The following SMU1 variants were observed in gnomAD, a reference collection of about 807,000 sequenced individuals.
SMU1 encodes WD40 repeat-containing protein SMU1.
In SMU1, 2 loss-of-function variants were observed where a neutral mutation model predicts 62.0. That is an observed-to-expected ratio of 0.03 (90% CI 0.01 to 0.10). The LOEUF (loss-of-function observed/expected upper bound fraction) is 0.10, where lower values mean the gene tolerates loss of function less well. Among genes scored for constraint, SMU1 ranks in the 10% least tolerant of loss-of-function variants. The pLI, the probability that SMU1 is intolerant of heterozygous loss-of-function variation, is 1.00. For missense variants in SMU1, 227 were observed against 622.1 expected, an observed-to-expected ratio of 0.36 and a Z score of 6.76; for synonymous variants, 188 against 212.4, an observed-to-expected ratio of 0.89 and a Z score of 1.00.
chr9:33,067,740 C>A (rs777815580), intron 4 of SMU1, among the ~76,000 whole-genome samples: 197 of 152,020 alleles, frequency 1.3e-3, no homozygotes, highest in Non-Finnish European at 2.3e-3. Flanking sequence ...CTCAGGTGAT[C>A]CACCCACCTT....
At chr9:33,055,728 C>CA (rs985193729) in intron 9 of SMU1, among the ~76,000 whole-genome samples, 1 of 152,064 alleles carries the variant, frequency 6.6e-6, no homozygotes, top group Non-Finnish European at 1.5e-5. Flanking sequence ...GGCTGTGCAA[C>CA]AAAAAAGAGA....
chr9:33,073,890 T>C, intron 1 of SMU1, 84 bp from the exon 2 acceptor site: 2 of 1,236,092 alleles, frequency 1.6e-6, no homozygotes, highest in Non-Finnish European at 2.3e-6. Flanking sequence ...TACTCAATCA[T>C]CTTCCTTTCA....
intron 11 of SMU1, among the ~76,000 whole-genome samples, chr9:33,047,816 A>T (rs145254923): frequency 6.6e-6 from 1 of 152,124 alleles, no homozygotes; most frequent in Non-Finnish European, 1.5e-5. Flanking sequence ...CCGAGATCAC[A>T]CCACTGCACT....
At chr9:33,075,481 G>T (rs1294052783) in intron 1 of SMU1, among the ~76,000 whole-genome samples, 1 of 151,942 alleles carries the variant, frequency 6.6e-6, no homozygotes, top group African/African-American at 2.4e-5. Context: ...CTGTTATTCT[G>T]CTATGATACT....
At chr9:33,062,371 G>A (rs1173340892) in intron 4 of SMU1, among the ~76,000 whole-genome samples, 194 bp from the exon 5 acceptor site, 1 of 152,130 alleles carries the variant, frequency 6.6e-6, no homozygotes, top group Non-Finnish European at 1.5e-5. Context: ...GCTGATCTAA[G>A]GGTGAAGGGG....
intron 4 of SMU1, among the ~76,000 whole-genome samples, chr9:33,067,173 T>C (rs1224610513): frequency 6.6e-6 from 1 of 152,038 alleles, no homozygotes; most frequent in Non-Finnish European, 1.5e-5. Context: ...AAACATTGAA[T>C]ATAGATTGAA....
At chr9:33,074,831 T>G (rs971583896) in intron 1 of SMU1, among the ~76,000 whole-genome samples, 2 of 149,838 alleles carry the variant, frequency 1.3e-5, no homozygotes, top group Non-Finnish European at 3.0e-5. Context: ...GACAGAATAG[T>G]GGCGTGATTG....
intron 11 of SMU1, 66 bp from the exon 12 acceptor site, chr9:33,047,457 C>T: frequency 7.4e-7 from 1 of 1,344,960 alleles, no homozygotes; most frequent in Admixed American, 2.0e-5. Context: ...ATGAGGCTTC[C>T]AGAGGTGGGT....
At chr9:33,060,769 T>A (rs1839353670) in intron 5 of SMU1, among the ~76,000 whole-genome samples, 185 bp from the exon 6 acceptor site, 1 of 152,240 alleles carries the variant, frequency 6.6e-6, no homozygotes, top group African/African-American at 2.4e-5. Flanking sequence ...TTCTCTGACT[T>A]AGTTTTAAGT....
intron 2 of SMU1, among the ~76,000 whole-genome samples, chr9:33,072,416 T>C (rs1219731625): frequency 2.0e-5 from 3 of 152,190 alleles, no homozygotes; most frequent in Admixed American, 6.5e-5. Context: ...CTCTCAGGCT[T>C]CTTGCTCAGA....
intron 5 of SMU1, 47 bp downstream of exon 5, chr9:33,062,002 G>C: frequency 6.3e-7 from 1 of 1,599,902 alleles, no homozygotes; most frequent in Non-Finnish European, 8.5e-7. Flanking sequence ...CCCATGACAA[G>C]TCCTCAACAA....
chr9:33,069,006 A>G (rs1216411746), intron 3 of SMU1, 72 bp from the exon 4 acceptor site: 1 of 1,545,738 alleles, frequency 6.5e-7, no homozygotes, highest in Admixed American at 2.0e-5. Context: ...ATTTAAAACA[A>G]ACAAGCAGAA....
chr9:33,075,753 A>T (rs2117895212), intron 1 of SMU1, among the ~76,000 whole-genome samples: 1 of 152,334 alleles, frequency 6.6e-6, no homozygotes, highest in Admixed American at 6.5e-5. Context: ...TCTCCAAAAA[A>T]GGTCCTCTCC....
chr9:33,050,335 C>A (rs974425071), intron 10 of SMU1, among the ~76,000 whole-genome samples: 1 of 152,102 alleles, frequency 6.6e-6, no homozygotes, highest in Non-Finnish European at 1.5e-5. Flanking sequence ...TAGTTTCTTA[C>A]AACTAAACAT....
chr9:33,047,542 C>T, intron 11 of SMU1, 151 bp from the exon 12 acceptor site: 2 of 578,450 alleles, frequency 3.5e-6, no homozygotes, highest in South Asian at 2.3e-5. Flanking sequence ...GGTTTTCCAA[C>T]TCACATCACA....
intron 8 of SMU1, 67 bp from the exon 9 acceptor site, chr9:33,056,306 G>T: frequency 6.9e-7 from 1 of 1,451,860 alleles, no homozygotes; most frequent in South Asian, 1.3e-5. Context: ...ACCAACGATT[G>T]AATGCATTTT....
chr9:33,048,319 A>G (rs1350396828), intron 10 of SMU1, 61 bp from the exon 11 acceptor site: 2 of 1,589,580 alleles, frequency 1.3e-6, no homozygotes. Context: ...AACCATGTGC[A>G]GCATTTTAAA....
At chr9:33,060,623 C>A (rs2119436361) in intron 5 of SMU1, 39 bp from the exon 6 acceptor site, 1 of 1,604,498 alleles carries the variant, frequency 6.2e-7, no homozygotes, top group East Asian at 2.2e-5. Context: ...GCATTTTTAT[C>A]TAGTGGACTT....
chr9:33,070,627 G>A (rs1839475527), intron 3 of SMU1, among the ~76,000 whole-genome samples: 2 of 152,156 alleles, frequency 1.3e-5, no homozygotes, highest in African/African-American at 2.4e-5. Context: ...TGGAAGCAAC[G>A]ATAAGTGACC....
Sources: gnomAD v4.1 joint callset for allele counts (sites outside exome capture counted in the v4.1 genomes callset) on GRCh38, gnomAD v4.1.1 for gene constraint, MANE v1.5 for transcripts, NCBI Gene and HGNC (gene_info 2026-07-23, HGNC 2026-07-21) for gene names.